PHYKPL: variants seen among roughly 807,000 people sequenced by gnomAD.
PHYKPL encodes the protein 5-phosphohydroxy-L-lysine phospho-lyase.
PHYKPL carries 42 observed loss-of-function variants against 51.3 expected under a neutral mutation model. That is an observed-to-expected ratio of 0.82 (90% CI 0.64 to 1.06). The LOEUF (loss-of-function observed/expected upper bound fraction) is 1.06. PHYKPL is among the 50% of genes least tolerant of loss of function. The pLI is 0.00. For missense variants in PHYKPL, 655 were observed against 586.6 expected (o/e 1.12, Z -1.20); for synonymous variants, 264 against 236.0 (o/e 1.12, Z -1.09).
At chr5:178,210,409 C>T in intron 12 of PHYKPL, 1 of 1,544,174 alleles carries the variant, frequency 6.5e-7, no homozygotes, top group Non-Finnish European at 8.8e-7. Context: ...TGATTTTGAG[C>T]CTTAGACTTC....
chr5:178,209,377 G>C lies in PHYKPL; in HGVS notation c.*32-462C>G. ...CCAAAGAAGTCTATCAGCAGCAGCA[G>C]TATGGCTCTGGGGGCCGTGGAAACC... On this transcript the variant is annotated intron_variant, in intron 12 of 12. Coordinates refer to ENST00000308158, the MANE Select transcript of PHYKPL (RefSeq NM_153373.4). 2.5e-6 allele frequency: 4 copies of C among 1,614,218 alleles called. 1 individual carries two copies. The highest frequency in any genetic ancestry group is 2.2e-5 in the South Asian group (2 of 91,088).
chr5:178,232,061 A>AT lies in PHYKPL; in HGVS notation c.59+430_59+431insA, dbSNP rs1425856857. ...TGCTGCCTGTGAACCGACTCCCCCG[A>AT]CTCTCCCTTGTCTGCCCTTTCAGCC... On this transcript the variant is annotated intron_variant, in intron 1 of 12. Coordinates refer to ENST00000308158, the MANE Select transcript of PHYKPL (RefSeq NM_153373.4). 5 of 1,173,384 alleles carry AT rather than the reference A, an allele frequency of 4.3e-6. No homozygotes were observed. The Admixed American group carries it at 1.1e-4, about 26-fold the overall frequency. The allele number at this position is 1,173,384 out of a possible 1,614,324, so 72.7% of individuals were successfully genotyped here.
intron 12 of PHYKPL, chr5:178,210,489 T>A (rs373001311): frequency 1.4e-5 from 21 of 1,539,848 alleles, no homozygotes; most frequent in Non-Finnish European, 1.8e-5. Context: ...AAGATGCATA[T>A]CAAGCGCGTG....
intron 11 of PHYKPL, among the ~76,000 whole-genome samples, chr5:178,212,683 T>C (rs1037089212): frequency 3.3e-5 from 5 of 152,222 alleles, no homozygotes; most frequent in Non-Finnish European, 7.3e-5. Flanking sequence ...TTATGGCCTG[T>C]TTCTCAGGCC....
At chr5:178,227,909 G>A (rs1028873636) in intron 3 of PHYKPL, among the ~76,000 whole-genome samples, 4 of 152,180 alleles carry the variant, frequency 2.6e-5, no homozygotes, top group African/African-American at 7.2e-5. Context: ...CAGGACTGGG[G>A]AGCGTGTGGT....
rs753405855 is a variant in PHYKPL, at chr5:178,231,452, T to C, written c.131A>G (p.Asp44Gly). The C allele has an allele frequency of 6.2e-7, 1 of 1,614,188 alleles. No individual in the cohort carries two copies. Among genetic ancestry groups the C allele is most frequent in the South Asian group, 1.1e-5 (1 of 91,086 alleles). Residue 44 changes from aspartate to glycine, a missense_variant, in exon 2 of 13, where the codon GAT becomes GGT. Physicochemically the swap from Asp to Gly is moderately conservative, Grantham distance 94. Coordinates refer to ENST00000308158, the MANE Select transcript of PHYKPL (RefSeq NM_153373.4). The stretch of plus-strand genomic sequence containing the variant: ...ATCGATGTATTCTGCCCCCTGTTCA[T>C]CGTACATGTACTGCCCTTGGGCCCG... ...IVRAQGQYMY[D>G]EQGAEYIDCI...
chr5:178,216,980 CAA>C (rs1354212485), intron 8 of PHYKPL: 1 of 152,064 alleles, frequency 6.6e-6, no homozygotes, highest in African/African-American at 2.4e-5. Context: ...TGCAGTGAGC[CAA>C]GACTCCAGCC....
intron 3 of PHYKPL, among the ~76,000 whole-genome samples, chr5:178,226,893 G>A (rs1762391216): frequency 6.6e-6 from 1 of 151,934 alleles, no homozygotes; most frequent in Non-Finnish European, 1.5e-5. Context: ...GAATGCGTGT[G>A]TTTGTATATA....
At chr5:178,229,648 G>A (rs563784115) in intron 3 of PHYKPL, 57 of 287,218 alleles carry the variant, frequency 2.0e-4, no homozygotes, top group African/African-American at 1.1e-3. Flanking sequence ...GCAACCCACA[G>A]GCAGGGATTT....
At chr5:178,213,928 A>C (rs1452702220) in intron 10 of PHYKPL, among the ~76,000 whole-genome samples, 1 of 152,160 alleles carries the variant, frequency 6.6e-6, no homozygotes, top group Non-Finnish European at 1.5e-5. Flanking sequence ...TGAACTGGAA[A>C]AGCACCCCCA....
intron 9 of PHYKPL, 146 bp downstream of exon 9, chr5:178,215,130 C>T (rs1280368343): frequency 1.2e-5 from 16 of 1,314,842 alleles, no homozygotes; most frequent in African/African-American, 1.5e-5. Context: ...CCAGGAGAGC[C>T]GTTTTGGGCA....
chr5:178,229,899 C>A, intron 3 of PHYKPL, 41 bp downstream of exon 3: 2 of 1,597,970 alleles, frequency 1.3e-6, no homozygotes, highest in Non-Finnish European at 1.7e-6. Flanking sequence ...TCTTTGTTAC[C>A]GTCTCACCCT....
intron 4 of PHYKPL, 49 bp downstream of exon 4, chr5:178,225,306 G>A (rs775824595): frequency 3.5e-5 from 56 of 1,604,334 alleles, no homozygotes; most frequent in Non-Finnish European, 4.7e-5. Context: ...TCACCAAGAA[G>A]CCTGTGGGCC....
chr5:178,217,550 G>C (rs1001051934), intron 8 of PHYKPL, among the ~76,000 whole-genome samples: 6 of 142,506 alleles, frequency 4.2e-5, no homozygotes, highest in Non-Finnish European at 9.1e-5. Context: ...GCAGATGAAA[G>C]AATCAGTGAA....
chr5:178,209,584 A>C, intron 12 of PHYKPL: 1 of 716,366 alleles, frequency 1.4e-6, no homozygotes. Flanking sequence ...CAGGAATAGG[A>C]ACGGCTCTGG....
chr5:178,208,625 A>AT lies in PHYKPL; in HGVS notation c.*321dup, dbSNP rs1757244302. The AT allele has an allele frequency of 1.3e-5, 2 of 152,360 alleles. No homozygotes were observed. The highest frequency in any genetic ancestry group is 1.3e-4 in the Admixed American group (2 of 15,302). 9.4% of individuals were successfully genotyped at this position (152,360 alleles called of 1,614,324 possible). A position where few individuals can be genotyped will look rare whatever the true frequency, so the allele number is the denominator to read the frequency against. The stretch of plus-strand genomic sequence containing the variant: ...ATTTTTAATGGGTGTGCATGTCAGG[A>AT]TTTTCTTTAGAAATACACTGGTCTG... On this transcript the variant is annotated 3_prime_UTR_variant, in exon 13 of 13. Coordinates refer to ENST00000308158, the MANE Select transcript of PHYKPL (RefSeq NM_153373.4).
At chr5:178,218,212 G>A (rs1487408329) in intron 8 of PHYKPL, among the ~76,000 whole-genome samples, 15 of 70,748 alleles carry the variant, frequency 2.1e-4, no homozygotes, top group African/African-American at 3.5e-4. Flanking sequence ...GCGAAACTCC[G>A]TCTCAAAAAA....
chr5:178,231,605 C>T (rs1561755334), intron 1 of PHYKPL, 82 bp from the exon 2 acceptor site: 8 of 1,602,922 alleles, frequency 5.0e-6, no homozygotes, highest in Non-Finnish European at 6.0e-6. Context: ...CCCGCCCACC[C>T]CTTCCCAGTT....
chr5:178,224,816 A>G, intron 4 of PHYKPL, 87 bp from the exon 5 acceptor site: 3 of 1,098,158 alleles, frequency 2.7e-6, no homozygotes, highest in Non-Finnish European at 4.0e-6. Flanking sequence ...ACCCCTGAAG[A>G]CACACAAGGG....
Sources: gnomAD v4.1 joint callset for allele counts (sites outside exome capture counted in the v4.1 genomes callset) on GRCh38, gnomAD v4.1.1 for gene constraint, MANE v1.5 for transcripts, NCBI Gene and HGNC (gene_info 2026-07-23, HGNC 2026-07-21) for gene names.